The following MKX variants were observed in gnomAD, a reference collection of about 807,000 sequenced individuals.
MKX encodes the protein mohawk homeobox.
MKX carries 13 observed loss-of-function variants against 36.0 expected under a neutral mutation model. That is an observed-to-expected ratio of 0.36 (90% CI 0.24 to 0.57). The LOEUF is 0.57. MKX is among the 20% of genes least tolerant of loss of function. The pLI is 0.79. For synonymous variants in MKX, 176 were observed against 178.3 expected (o/e 0.99, Z 0.10); for missense variants, 458 against 456.4 (o/e 1.00, Z -0.03).
At chr10:27,679,069 C>A (rs1199390464) in intron 5 of MKX, among the ~76,000 whole-genome samples, 1 of 152,014 alleles carries the variant, frequency 6.6e-6, no homozygotes, top group Non-Finnish European at 1.5e-5. Context: ...AGATTGGGTT[C>A]CTCTCCAATA....
chr10:27,697,067 C>T (rs920810985), intron 5 of MKX, among the ~76,000 whole-genome samples: 9 of 152,216 alleles, frequency 5.9e-5, no homozygotes, highest in Admixed American at 2.0e-4. Context: ...TTCTCAAATT[C>T]TCAGATTTAC....
Position 27,675,359 on chromosome 10 carries a change from G to A in MKX, c.929C>T (p.Ala310Val). 1 of 1,614,204 alleles carries A rather than the reference G, an allele frequency of 6.2e-7. No homozygotes were observed. The change falls in exon 7 of 7, where the codon GCA becomes GTA. Residue 310 changes from alanine (A) to valine (V), a missense_variant. Coordinates refer to ENST00000419761, the MANE Select transcript of MKX (RefSeq NM_173576.3). ...KDDTYWKEINAAMALTNLAQG... is the reference protein window; with the variant it reads ...KDDTYWKEINVAMALTNLAQG... Reference sequence around the variant, plus strand: ...TGCAAGATTTGTTAAGGCCATAGCTGCGTTGATCTCCTTCCAATACGTGTC... The same window carrying A: ...TGCAAGATTTGTTAAGGCCATAGCTACGTTGATCTCCTTCCAATACGTGTC...
At chr10:27,716,422 CA>C (rs1297720982) in intron 5 of MKX, among the ~76,000 whole-genome samples, 87 of 45,208 alleles carry the variant, frequency 1.9e-3, no homozygotes, top group Non-Finnish European at 2.4e-3. Context: ...GACTCTGTCT[CA>C]AAAAAAAAAA....
At position 27,711,463 on chromosome 10, in the gene MKX, CTTTCTTTCTTTCTT is replaced by C. The variant is rs748499747; in HGVS notation, c.838+22979_838+22992del. 9.2e-3 allele frequency among the ~76,000 whole-genome samples: 176 copies of C among 19,114 alleles called. 1 individual carries two copies. The highest frequency in any genetic ancestry group is 0.017 in the Non-Finnish European group (134 of 7,966). 12.5% of individuals were successfully genotyped at this position (19,114 alleles called of 152,430 possible). A position where few individuals can be genotyped will look rare whatever the true frequency, so the allele number is the denominator to read the frequency against. On this transcript the variant is annotated intron_variant, in intron 5 of 6. Coordinates refer to ENST00000419761, the MANE Select transcript of MKX (RefSeq NM_173576.3). Reference sequence around the variant, plus strand: ...TCTTTCTTTCTTTCTTTCTTTCTTTCTTTCTTTCTTTCTTTCTTTCTCTCTCTCTCTCTTCTTTC... The same window carrying C: ...TCTTTCTTTCTTTCTTTCTTTCTTTCTCTTTCTCTCTCTCTCTCTTCTTTC...
Position 27,742,524 on chromosome 10 carries a change from G to A in MKX, c.188+704C>T, listed in dbSNP as rs2132657413. On this transcript the variant is annotated intron_variant, in intron 2 of 6. Transcript: ENST00000419761. This position sits in a 1 kb window ranked among gnomAD's most constrained non-coding sequence, Gnocchi z 4.2. Reference sequence around the variant, plus strand: ...GCGGCTAGGACGGCCGCCCCTCCCCGGCGGGGCGCCCGGGGAGCCGCCGGA... The same window carrying A: ...GCGGCTAGGACGGCCGCCCCTCCCCAGCGGGGCGCCCGGGGAGCCGCCGGA... Among the ~76,000 whole-genome samples, 2 of 152,120 alleles carry A rather than the reference G, an allele frequency of 1.3e-5. No homozygotes were observed. The highest frequency in any genetic ancestry group is 4.8e-5 in the African/African-American group (2 of 41,502).
chr10:27,711,471 C>CT (rs60709908), intron 5 of MKX, among the ~76,000 whole-genome samples: 1 of 34,128 alleles, frequency 2.9e-5, no homozygotes, highest in African/African-American at 1.4e-4. Context: ...TTCTTTCTTT[C>CT]TTTCTTTCTT....
intron 5 of MKX, among the ~76,000 whole-genome samples, chr10:27,709,524 T>A (rs1471409324): frequency 6.6e-6 from 1 of 152,190 alleles, no homozygotes; most frequent in East Asian, 1.9e-4. Context: ...CGCACTGATT[T>A]CTGGTAGGAC....
At chr10:27,726,345 C>T (rs1177452830) in intron 5 of MKX, among the ~76,000 whole-genome samples, 2 of 152,152 alleles carry the variant, frequency 1.3e-5, no homozygotes, top group African/African-American at 2.4e-5. Flanking sequence ...ACAACTTTGA[C>T]TTAGGGTTCT....
chr10:27,726,089 T>C (rs942294578), intron 5 of MKX, among the ~76,000 whole-genome samples: 2 of 152,198 alleles, frequency 1.3e-5, no homozygotes, highest in Non-Finnish European at 2.9e-5. Context: ...CTGAAATGCA[T>C]TGAGTATCAG....
At chr10:27,675,596 C>G in intron 5 of MKX, 42 bp from the exon 6 acceptor site, 1 of 1,581,932 alleles carries the variant, frequency 6.3e-7, no homozygotes, top group Non-Finnish European at 8.6e-7. Context: ...TATGTTTTTC[C>G]TTTCTTTTCT....
rs997760474 is a variant in MKX, at chr10:27,742,207, A to C, written c.189-703T>G. ...TGTAAGGTAAAAAGACCTCAGGAAA[A>C]GCACATTCAAAGGGGGAGGAGGCAG... On this transcript the variant is annotated intron_variant, in intron 2 of 6. Coordinates refer to ENST00000419761, the MANE Select transcript of MKX (RefSeq NM_173576.3). This position sits in a 1 kb window ranked among gnomAD's most constrained non-coding sequence, Gnocchi z 4.2. Among the ~76,000 whole-genome samples the C allele has an allele frequency of 6.6e-6, 1 of 152,126 alleles. No homozygotes were observed. Among genetic ancestry groups the C allele is most frequent in the African/African-American group, 2.4e-5 (1 of 41,442 alleles).
intron 5 of MKX, among the ~76,000 whole-genome samples, chr10:27,677,846 T>C (rs1836182398): frequency 6.6e-6 from 1 of 152,236 alleles, no homozygotes; most frequent in Non-Finnish European, 1.5e-5. Context: ...TTAGGGATCC[T>C]TTGGGGGAAA....
intron 5 of MKX, among the ~76,000 whole-genome samples, chr10:27,693,944 C>G (rs572961468): frequency 4.6e-5 from 7 of 152,046 alleles, no homozygotes; most frequent in Non-Finnish European, 7.4e-5. Flanking sequence ...CCATACTGTT[C>G]TCATGGTAGT....
chr10:27,692,557 C>CT (rs1291304330), intron 5 of MKX, among the ~76,000 whole-genome samples: 2 of 152,086 alleles, frequency 1.3e-5, no homozygotes, highest in African/African-American at 4.8e-5. Context: ...CTGGTAGGGC[C>CT]TTTTATTTTT....
intron 5 of MKX, among the ~76,000 whole-genome samples, chr10:27,693,855 G>T (rs1025988140): frequency 1.3e-5 from 2 of 152,046 alleles, no homozygotes; most frequent in African/African-American, 4.8e-5. Flanking sequence ...ATCTCATCTT[G>T]AATTGTAGCT....
At chr10:27,684,135 G>A (rs1836301371) in intron 5 of MKX, among the ~76,000 whole-genome samples, 1 of 151,728 alleles carries the variant, frequency 6.6e-6, no homozygotes, top group African/African-American at 2.4e-5. Flanking sequence ...GCAACATATT[G>A]AGACTCCGTG....
At chr10:27,714,551 G>T (rs913762108) in intron 5 of MKX, among the ~76,000 whole-genome samples, 37 of 152,074 alleles carry the variant, frequency 2.4e-4, no homozygotes, top group Admixed American at 2.2e-3. Flanking sequence ...GTCACAGTTT[G>T]CCCACTTAGT....
chr10:27,709,661 A>G (rs1046001861), intron 5 of MKX, among the ~76,000 whole-genome samples: 1 of 152,168 alleles, frequency 6.6e-6, no homozygotes, highest in African/African-American at 2.4e-5. Context: ...GAGTGGGATG[A>G]AAGGGATACT....
chr10:27,704,021 A>G (rs7078172), intron 5 of MKX, among the ~76,000 whole-genome samples: 6,466 of 152,294 alleles, frequency 0.042, 377 homozygotes, highest in African/African-American at 0.13. Context: ...AGCAGAATAC[A>G]ATATTAATAT....
Sources: allele counts gnomAD v4.1 joint callset (sites outside exome capture counted in the v4.1 genomes callset), GRCh38; gene constraint gnomAD v4.1.1; non-coding constraint Gnocchi (gnomAD v3.1); transcripts MANE v1.5; gene names NCBI Gene and HGNC (gene_info 2026-07-23, HGNC 2026-07-21).